Variants in CCDC25 observed in about 807,000 individuals in gnomAD.
The protein encoded by CCDC25 is coiled-coil domain-containing protein 25.
A neutral mutation model predicts 35.3 loss-of-function variants in CCDC25; 16 were observed. The ratio of observed to expected loss-of-function variants is 0.45; its 90% CI spans 0.31 to 0.69. CCDC25 has a LOEUF of 0.69. CCDC25 is among the 30% of genes least tolerant of loss of function. The probability of loss-of-function intolerance (pLI) is 0.06; values close to 1 mark genes in which losing one functional copy is unlikely to be tolerated. For synonymous variants in CCDC25, 79 were observed against 80.3 expected, an observed-to-expected ratio of 0.98 and a Z score of 0.09; for missense variants, 179 against 250.7, an observed-to-expected ratio of 0.71 and a Z score of 1.93.
intron 2 of CCDC25, among the ~76,000 whole-genome samples, chr8:27,763,370 T>G (rs968721450): frequency 6.6e-6 from 1 of 152,222 alleles, no homozygotes; most frequent in African/African-American, 2.4e-5. Flanking sequence ...TATTAATAAT[T>G]AGTAATAATT....
chr8:27,752,119 T>C (rs1803832312), intron 5 of CCDC25, among the ~76,000 whole-genome samples: 1 of 152,154 alleles, frequency 6.6e-6, no homozygotes, highest in Non-Finnish European at 1.5e-5. Context: ...TGACAAATAA[T>C]AGAAATAAAG....
intron 5 of CCDC25, among the ~76,000 whole-genome samples, chr8:27,749,295 C>G (rs1269344193): frequency 6.6e-6 from 1 of 152,184 alleles, no homozygotes; most frequent in Non-Finnish European, 1.5e-5. Flanking sequence ...ACTGGTCTGA[C>G]ACTCTCTCTG....
At chr8:27,768,329 C>G (rs1052749539) in intron 1 of CCDC25, among the ~76,000 whole-genome samples, 1 of 152,100 alleles carries the variant, frequency 6.6e-6, no homozygotes, top group African/African-American at 2.4e-5. Context: ...CTTTGGGAGG[C>G]TGAAGCGGGA....
At chr8:27,744,278 C>T (rs1803533901) in intron 7 of CCDC25, among the ~76,000 whole-genome samples, 1 of 152,094 alleles carries the variant, frequency 6.6e-6, no homozygotes, top group Non-Finnish European at 1.5e-5. Flanking sequence ...AAAGGAATCA[C>T]CATACCAGGG....
rs555903663 is a variant in CCDC25, at chr8:27,739,934, T to G, written c.597+538A>C. 2.4e-4 allele frequency among the ~76,000 whole-genome samples: 36 copies of G among 152,308 alleles called. No homozygotes were observed. In the South Asian group the frequency reaches 7.2e-3, roughly 31 times the overall value. On this transcript the variant is annotated intron_variant, in intron 8 of 8. Transcript: ENST00000356537. ...TCCAATCAAATAATTAGACGCAATG[T>G]TAAGAAGATCCTTTCAGTACTATGT...
At chr8:27,736,297 T>C in intron 8 of CCDC25, 52 bp from the exon 9 acceptor site, 1 of 1,424,048 alleles carries the variant, frequency 7.0e-7, no homozygotes, top group Non-Finnish European at 9.7e-7. Context: ...TAATTCAATA[T>C]TTAAAATTTA....
In CCDC25 at chr8:27,737,872, G is replaced by A. The variant is rs971662517; in HGVS notation, c.598-1627C>T. On this transcript the variant is annotated intron_variant, in intron 8 of 8. Transcript: ENST00000356537. The surrounding 1 kb of genome is among the most constrained non-coding windows in gnomAD (Gnocchi z 4.6). ...AGTGGATAAAGAAACTGTGGTGTGT[G>A]TATACACACACTCACACACACACAC... 1.9e-4 allele frequency among the ~76,000 whole-genome samples: 21 copies of A among 108,510 alleles called. No individual in the cohort carries two copies. Among genetic ancestry groups the A allele is most frequent in the Admixed American group, 1.3e-3 (12 of 9,468 alleles). 71.2% of individuals were successfully genotyped at this position (108,510 alleles called of 152,430 possible).
chr8:27,738,937 T>C (rs192737561), intron 8 of CCDC25, among the ~76,000 whole-genome samples: 188 of 119,616 alleles, frequency 1.6e-3, no homozygotes, highest in African/African-American at 5.6e-3. Flanking sequence ...AAAGACTATC[T>C]GGATAAGGTA....
At chr8:27,755,035 C>T (rs572711997) in intron 4 of CCDC25, among the ~76,000 whole-genome samples, 78 of 152,248 alleles carry the variant, frequency 5.1e-4, no homozygotes, top group African/African-American at 1.8e-3. Flanking sequence ...TAAATTTTTT[C>T]ACATCAGACA....
At chr8:27,756,494 T>G in intron 4 of CCDC25, 1 of 502,018 alleles carries the variant, frequency 2.0e-6, no homozygotes, top group South Asian at 2.4e-5. Context: ...GGATAAGCAG[T>G]GCATCTAGCT....
Position 27,765,678 on chromosome 8 carries a change from T to G in CCDC25, c.29-427A>C, listed in dbSNP as rs58512501. Among the ~76,000 whole-genome samples the G allele has an allele frequency of 7.5e-3, 1,142 of 152,158 alleles. 13 individuals carry two copies. The highest frequency in any genetic ancestry group is 0.026 in the African/African-American group (1,063 of 41,502). ...ACTAAACACCACAACTAAGTTCCCA[T>G]GTTTACCAAAGTTTTATTGTGCATA... On this transcript the variant is annotated intron_variant, in intron 1 of 8. Coordinates refer to ENST00000356537, the MANE Select transcript of CCDC25 (RefSeq NM_018246.3).
intron 7 of CCDC25, among the ~76,000 whole-genome samples, chr8:27,744,868 A>C (rs1332618413): frequency 6.6e-6 from 1 of 152,224 alleles, no homozygotes; most frequent in African/African-American, 2.4e-5. Flanking sequence ...TAATCTTTGC[A>C]TGAAAATCAA....
intron 3 of CCDC25, among the ~76,000 whole-genome samples, chr8:27,757,696 A>G (rs553133137): frequency 1.6e-4 from 24 of 152,324 alleles, no homozygotes; most frequent in Admixed American, 7.2e-4. Context: ...ATCACACAAC[A>G]AACAAGGTAA....
intron 1 of CCDC25, chr8:27,771,999 G>A (rs1210115702): frequency 6.5e-6 from 1 of 154,458 alleles, no homozygotes; most frequent in Non-Finnish European, 1.4e-5. Flanking sequence ...GAGAGTGGCT[G>A]GGTGGACATC....
intron 7 of CCDC25, among the ~76,000 whole-genome samples, chr8:27,742,184 T>C (rs1803462427): frequency 6.6e-6 from 1 of 152,308 alleles, no homozygotes; most frequent in African/African-American, 2.4e-5. Context: ...ATATGAACTG[T>C]AGAAACTGAA....
At chr8:27,752,392 C>T in intron 5 of CCDC25, 120 bp downstream of exon 5, 1 of 729,622 alleles carries the variant, frequency 1.4e-6, no homozygotes, top group Non-Finnish European at 2.3e-6. Flanking sequence ...ATGGCAAAGG[C>T]ACAGCACATG....
chr8:27,748,230 A>G lies in CCDC25; in HGVS notation c.398T>C (p.Leu133Ser). The G allele has an allele frequency of 6.2e-7, 1 of 1,613,866 alleles. No individual in the cohort carries two copies. Among genetic ancestry groups the G allele is most frequent in the Non-Finnish European group, 8.5e-7 (1 of 1,179,948 alleles). ...EKKVNEILNR[L>S]EKTKVERFPD... ...GAACCGCTCGACTTTGGTCTTTTCT[A>G]ATCGGTTCAGGATCTCATTTACTTT... The change falls in exon 7 of 9, where the codon TTA becomes TCA. Residue 133 changes from leucine to serine, a missense_variant. By Grantham distance (145) the Leu-to-Ser change is moderately radical. Coordinates refer to ENST00000356537, the MANE Select transcript of CCDC25 (RefSeq NM_018246.3).
chr8:27,739,759 T>C (rs546233680), intron 8 of CCDC25, among the ~76,000 whole-genome samples: 13 of 152,164 alleles, frequency 8.5e-5, no homozygotes, highest in Non-Finnish European at 1.8e-4. Context: ...TTTTAAACTA[T>C]ACTATAAAAC....
In CCDC25 at chr8:27,736,051, C is replaced by CA; in HGVS notation, c.*164dup. 1 of 614,856 alleles carries CA rather than the reference C, an allele frequency of 1.6e-6. No homozygotes were observed. Among genetic ancestry groups the CA allele is most frequent in the Non-Finnish European group, 2.8e-6 (1 of 359,508 alleles). The allele number at this position is 614,856 out of a possible 1,614,324, so 38.1% of individuals were successfully genotyped here. A position where few individuals can be genotyped will look rare whatever the true frequency, so the allele number is the denominator to read the frequency against. On this transcript the variant is annotated 3_prime_UTR_variant, in exon 9 of 9. Coordinates refer to ENST00000356537, the MANE Select transcript of CCDC25 (RefSeq NM_018246.3). ...TACATATCTGATCCTTTTCTGTCAG[C>CA]AAAAAAGGTACAATTTTTTTAAAAC... is the stretch of plus-strand genomic sequence containing the variant.
Sources: allele counts gnomAD v4.1 joint callset (sites outside exome capture counted in the v4.1 genomes callset), GRCh38; gene constraint gnomAD v4.1.1; non-coding constraint Gnocchi (gnomAD v3.1); transcripts MANE v1.5; gene names NCBI Gene and HGNC (gene_info 2026-07-23, HGNC 2026-07-21).